Variants in SLC9C2 observed in about 807,000 individuals in gnomAD.
The protein encoded by SLC9C2 is solute carrier family 9 member C2 (putative).
In SLC9C2, 75 loss-of-function variants were observed where a neutral mutation model predicts 140.2. The ratio of observed to expected loss-of-function variants is 0.53; its 90% CI spans 0.44 to 0.65. The LOEUF (loss-of-function observed/expected upper bound fraction) is 0.65. Among genes scored for constraint, SLC9C2 ranks in the 30% least tolerant of loss-of-function variants. SLC9C2 has a pLI of 0.00. For synonymous variants in SLC9C2, 375 were observed against 420.9 expected (o/e 0.89, Z 1.34); for missense variants, 1,074 against 1,331.8 (o/e 0.81, Z 3.01).
intron 9 of SLC9C2, among the ~76,000 whole-genome samples, chr1:173,561,298 G>T (rs1172750918): frequency 6.6e-6 from 1 of 152,178 alleles, no homozygotes; most frequent in Admixed American, 6.5e-5. Flanking sequence ...AGAAAGAGAT[G>T]TGGGGTTGCT....
At chr1:173,589,439 AG>A (rs1666036493) in intron 4 of SLC9C2, among the ~76,000 whole-genome samples, 1 of 152,162 alleles carries the variant, frequency 6.6e-6, no homozygotes, top group African/African-American at 2.4e-5. Context: ...ATGTGCCTGT[AG>A]CCCCAGCTAT....
At chr1:173,573,990 A>G (rs1301582594) in intron 8 of SLC9C2, among the ~76,000 whole-genome samples, 1 of 152,214 alleles carries the variant, frequency 6.6e-6, no homozygotes, top group Non-Finnish European at 1.5e-5. Flanking sequence ...CCCAGACTGA[A>G]TTCTAAAAAT....
intron 9 of SLC9C2, among the ~76,000 whole-genome samples, chr1:173,558,887 A>G (rs996533687): frequency 6.6e-6 from 1 of 152,194 alleles, no homozygotes; most frequent in Non-Finnish European, 1.5e-5. Context: ...ATGTGGAACC[A>G]TCAGTTCAGC....
intron 23 of SLC9C2, among the ~76,000 whole-genome samples, chr1:173,515,176 TTCC>T (rs1245844615): frequency 4.6e-5 from 7 of 152,164 alleles, no homozygotes; most frequent in African/African-American, 1.7e-4. Flanking sequence ...TTCTCTGTAT[TTCC>T]TGAATTTGAA....
intron 9 of SLC9C2, among the ~76,000 whole-genome samples, chr1:173,562,606 T>G (rs1664190491): frequency 6.6e-6 from 1 of 152,190 alleles, no homozygotes; most frequent in Admixed American, 6.5e-5. Flanking sequence ...TGAATACAAC[T>G]ACAATGAAAA....
intron 13 of SLC9C2, among the ~76,000 whole-genome samples, chr1:173,546,272 C>T (rs1662839847): frequency 6.6e-6 from 1 of 152,178 alleles, no homozygotes; most frequent in Non-Finnish European, 1.5e-5. Flanking sequence ...GTGGCTCACA[C>T]CTGTAATCCC....
intron 18 of SLC9C2, among the ~76,000 whole-genome samples, chr1:173,527,176 G>C (rs1415036905): frequency 1.3e-5 from 2 of 152,198 alleles, no homozygotes; most frequent in Non-Finnish European, 2.9e-5. Flanking sequence ...AGAAAAGGAA[G>C]TATGGTAGAG....
In SLC9C2 at chr1:173,557,137, A is replaced by G. The variant is rs138950385; in HGVS notation, c.1215+203T>C. Among the ~76,000 whole-genome samples, 668 of 152,238 alleles carry G rather than the reference A, an allele frequency of 4.4e-3. 6 individuals carry two copies. Among genetic ancestry groups the G allele is most frequent in the African/African-American group, 0.015 (626 of 41,550 alleles). On this transcript the variant is annotated intron_variant, in intron 10 of 27. Coordinates refer to ENST00000367714, the MANE Select transcript of SLC9C2 (RefSeq NM_178527.4). Reference sequence around the variant, plus strand: ...TCAGAGCCCAAGTTTATCTAATACCACATCCATAACTACTCCATGACTATT... The same window carrying G: ...TCAGAGCCCAAGTTTATCTAATACCGCATCCATAACTACTCCATGACTATT...
intron 8 of SLC9C2, among the ~76,000 whole-genome samples, 185 bp downstream of exon 8, chr1:173,576,476 G>T (rs940089813): frequency 6.6e-6 from 1 of 152,186 alleles, no homozygotes; most frequent in Admixed American, 6.5e-5. Context: ...CATAACAGGA[G>T]TATCAATTAA....
rs187998048 is a variant in SLC9C2, at chr1:173,515,279, C to A, written c.2907+2258G>T. ...TTCCAACTTGGTTTCATTCTCCCTGCCTCTTTAGGTACTCCAATCAATCAT... is the reference window on the plus strand; with the variant it reads ...TTCCAACTTGGTTTCATTCTCCCTGACTCTTTAGGTACTCCAATCAATCAT... On this transcript the variant is annotated intron_variant, in intron 23 of 27. Coordinates refer to ENST00000367714, the MANE Select transcript of SLC9C2 (RefSeq NM_178527.4). Among the ~76,000 whole-genome samples, 14 of 152,270 alleles carry A rather than the reference C, an allele frequency of 9.2e-5. No homozygotes were observed. The East Asian group carries it at 2.1e-3, about 23-fold the overall frequency.
Position 173,557,387 on chromosome 1 carries a change from G to A in SLC9C2, c.1168C>T (p.Pro390Ser). The A allele has an allele frequency of 6.2e-7, 1 of 1,613,742 alleles. No individual in the cohort carries two copies. The highest frequency in any genetic ancestry group is 8.5e-7 in the Non-Finnish European group (1 of 1,179,902). Residue 390 changes from proline (P) to serine (S), a missense_variant, in exon 10 of 28, where the codon CCT becomes TCT. Pro to Ser is a moderately conservative substitution (Grantham distance 74). Transcript: ENST00000367714. Reference sequence around the variant, plus strand: ...CGTTCAGCGAGATTATAAACATCAGGAGCCCAGAGTAAATTAAAAACTCCT... The same window carrying A: ...CGTTCAGCGAGATTATAAACATCAGAAGCCCAGAGTAAATTAAAAACTCCT... ...IKGVFNLLWAPDVYNLAERKV... is the reference protein window; with the variant it reads ...IKGVFNLLWASDVYNLAERKV...
At chr1:173,571,642 T>A (rs1035846975) in intron 9 of SLC9C2, 1 of 152,182 alleles carries the variant, frequency 6.6e-6, no homozygotes, top group Non-Finnish European at 1.5e-5. Context: ...GTTTTTTTTC[T>A]GAAAACCCCA....
At chr1:173,553,878 G>A (rs1473124116) in intron 11 of SLC9C2, among the ~76,000 whole-genome samples, 1 of 152,140 alleles carries the variant, frequency 6.6e-6, no homozygotes, top group Non-Finnish European at 1.5e-5. Context: ...GGTCTCTGTA[G>A]CAGCAAAGCT....
At chr1:173,589,438 T>C (rs1666036014) in intron 4 of SLC9C2, among the ~76,000 whole-genome samples, 1 of 152,064 alleles carries the variant, frequency 6.6e-6, no homozygotes, top group Non-Finnish European at 1.5e-5. Context: ...CATGTGCCTG[T>C]AGCCCCAGCT....
chr1:173,554,944 A>G (rs1269043043), intron 10 of SLC9C2, 130 bp from the exon 11 acceptor site: 1 of 666,130 alleles, frequency 1.5e-6, no homozygotes, highest in Non-Finnish European at 2.6e-6. Context: ...CCTGTTTCTG[A>G]TAAGTCAGTT....
chr1:173,580,091 T>C (rs1300266675), intron 7 of SLC9C2, among the ~76,000 whole-genome samples: 1 of 152,208 alleles, frequency 6.6e-6, no homozygotes, highest in Non-Finnish European at 1.5e-5. Flanking sequence ...AAAAAAGCTT[T>C]TTAAAACCCA....
At chr1:173,573,634 G>A (rs1664979046) in intron 8 of SLC9C2, among the ~76,000 whole-genome samples, 1 of 152,194 alleles carries the variant, frequency 6.6e-6, no homozygotes, top group Non-Finnish European at 1.5e-5. Flanking sequence ...TTCAGTGGGA[G>A]CATGTCAACT....
intron 2 of SLC9C2, among the ~76,000 whole-genome samples, chr1:173,601,140 T>G (rs1181187152): frequency 6.6e-6 from 1 of 152,194 alleles, no homozygotes; most frequent in Admixed American, 6.5e-5. Context: ...TGAAGAGAGA[T>G]TACACCAAAA....
rs1294841800 is a variant in SLC9C2, at chr1:173,550,432, A to ATT, written c.1298-1882_1298-1881dup. On this transcript the variant is annotated intron_variant, in intron 11 of 27. Transcript: ENST00000367714. ...TTTTATTTTTTTATTTTATTTATTTATTTATTTATTTATTTATTTATTTTT... is the reference window on the plus strand; with the variant it reads ...TTTTATTTTTTTATTTTATTTATTTATTTTTATTTATTTATTTATTTATTTTT... 1.1e-3 allele frequency among the ~76,000 whole-genome samples: 131 copies of ATT among 121,700 alleles called. 1 individual carries two copies. Among genetic ancestry groups the ATT allele is most frequent in the African/African-American group, 4.8e-3 (121 of 24,972 alleles). The allele number at this position is 121,700 out of a possible 152,430, so 79.8% of individuals were successfully genotyped here. A position where few individuals can be genotyped will look rare whatever the true frequency, so the allele number is the denominator to read the frequency against.
Sources: gnomAD v4.1 joint callset for allele counts (sites outside exome capture counted in the v4.1 genomes callset) on GRCh38, gnomAD v4.1.1 for gene constraint, MANE v1.5 for transcripts, NCBI Gene and HGNC (gene_info 2026-07-23, HGNC 2026-07-21) for gene names.